The following BOP1 variants were observed in gnomAD, a reference collection of about 807,000 sequenced individuals.
BOP1 encodes the protein ribosome biogenesis protein BOP1.
In BOP1, 54 loss-of-function variants were observed where a neutral mutation model predicts 82.9. The ratio of observed to expected loss-of-function variants is 0.65; its 90% CI spans 0.52 to 0.82. The LOEUF (loss-of-function observed/expected upper bound fraction) is 0.82, where lower values mean the gene tolerates loss of function less well. Ranked by LOEUF, BOP1 falls within the 40% of genes least tolerant of loss-of-function variation. The pLI is 0.00. For synonymous variants in BOP1, 566 were observed against 451.1 expected, an observed-to-expected ratio of 1.25 and a Z score of -3.23; for missense variants, 1,170 against 1,072.0, an observed-to-expected ratio of 1.09 and a Z score of -1.28.
chr8:144,262,282 T>C lies in BOP1; in HGVS notation c.2123A>G (p.Lys708Arg), dbSNP rs1393813872. 4 of 1,612,710 alleles carry C rather than the reference T, an allele frequency of 2.5e-6. No individual in the cohort carries two copies. Among genetic ancestry groups the C allele is most frequent in the South Asian group, 2.2e-5 (2 of 91,060 alleles). ...GGTCAGCACGTGTCCCTTCAGCACCTTGACGGGCACCAGCAAGGGGTTCTG... is the reference window on the plus strand; with the variant it reads ...GGTCAGCACGTGTCCCTTCAGCACCCTGACGGGCACCAGCAAGGGGTTCTG... ...LLQNPLLVPVKVLKGHVLTRD... is the reference protein window; with the variant it reads ...LLQNPLLVPVRVLKGHVLTRD... Residue 708 changes from lysine to arginine, a missense_variant, in exon 16 of 16, where the codon AAG (lysine) becomes AGG (arginine). By Grantham distance (26) the Lys-to-Arg change is conservative. Transcript: ENST00000569669.
chr8:144,268,199 G>T, intron 3 of BOP1: 4 of 1,547,294 alleles, frequency 2.6e-6, no homozygotes, highest in South Asian at 1.2e-5. Context: ...GACGCCCGGG[G>T]TGACTGCAGA....
chr8:144,265,204 C>T, intron 3 of BOP1, 133 bp from the exon 4 acceptor site: 2 of 1,034,652 alleles, frequency 1.9e-6, no homozygotes, highest in Non-Finnish European at 2.8e-6. Flanking sequence ...GGTCACTGGC[C>T]CTGACCTACG....
At chr8:144,268,159 G>C (rs1193659201) in intron 3 of BOP1, 2 of 1,550,224 alleles carry the variant, frequency 1.3e-6, no homozygotes, top group Non-Finnish European at 1.7e-6. Context: ...GCCGGCAGCA[G>C]CCAGGAGGCA....
chr8:144,280,897 G>A (rs587712641), intron 2 of BOP1, among the ~76,000 whole-genome samples: 4 of 151,932 alleles, frequency 2.6e-5, no homozygotes, highest in East Asian at 1.9e-4. Flanking sequence ...CCAGGTCTTC[G>A]GCCTTCTCTC....
At chr8:144,265,095 G>C in intron 3 of BOP1, 24 bp from the exon 4 acceptor site, 1 of 1,600,682 alleles carries the variant, frequency 6.2e-7, no homozygotes, top group South Asian at 1.1e-5. Flanking sequence ...CCACCATGTC[G>C]GCATCTGATC....
Position 144,263,610 on chromosome 8 carries a change from C to G in BOP1, c.1292G>C (p.Gly431Ala). The G allele has an allele frequency of 6.2e-7, 1 of 1,608,482 alleles. No homozygotes were observed. Among genetic ancestry groups the G allele is most frequent in the Non-Finnish European group, 8.5e-7 (1 of 1,179,664 alleles). ...VSPGGQWLVS[G>A]SDDGSLRLWE... ...GAGCCGCAGGGAGCCGTCGTCAGAGCCTGGATGCGGCAGAGACAGCTCTCA... is the reference window on the plus strand; with the variant it reads ...GAGCCGCAGGGAGCCGTCGTCAGAGGCTGGATGCGGCAGAGACAGCTCTCA... The change falls in exon 11 of 16, where the codon GGC (glycine) becomes GCC (alanine). Residue 431 changes from glycine to alanine, a missense_variant and splice_region_variant. Physicochemically the swap from Gly to Ala is moderately conservative, Grantham distance 60. Transcript: ENST00000569669.
At chr8:144,273,903 G>C (rs1426866034) in intron 3 of BOP1, among the ~76,000 whole-genome samples, 1 of 152,224 alleles carries the variant, frequency 6.6e-6, no homozygotes, top group East Asian at 1.9e-4. Context: ...TGGGGGAGGG[G>C]AATAAGACAC....
At chr8:144,266,471 G>T in intron 3 of BOP1, 1 of 982,452 alleles carries the variant, frequency 1.0e-6, no homozygotes. Flanking sequence ...ACGCACATGT[G>T]CGCGCGACGC....
Position 144,289,142 on chromosome 8 carries a change from C to T in BOP1, c.262G>A (p.Asp88Asn). 1 of 1,614,208 alleles carries T rather than the reference C, an allele frequency of 6.2e-7. No individual in the cohort carries two copies. The highest frequency in any genetic ancestry group is 8.5e-7 in the Non-Finnish European group (1 of 1,180,034). Residue 88 changes from aspartate (D) to asparagine (N), a missense_variant, in exon 2 of 16, where the codon GAC (aspartate) becomes AAC (asparagine). By Grantham distance (23) the Asp-to-Asn change is conservative. Coordinates refer to ENST00000569669, the MANE Select transcript of BOP1 (RefSeq NM_015201.5). Reference sequence around the variant, plus strand: ...TTTTTAATCCCACTGTGGCCCTCGTCATCAAGGGCTCCGTCCTCTCCCTCC... The same window carrying T: ...TTTTTAATCCCACTGTGGCCCTCGTTATCAAGGGCTCCGTCCTCTCCCTCC... ...DEEGEDGALD[D>N]EGHSGIKKTT... is the part of the protein sequence containing the mutation.
intron 3 of BOP1, among the ~76,000 whole-genome samples, chr8:144,268,857 G>A (rs1194094859): frequency 6.6e-6 from 1 of 152,148 alleles, no homozygotes. Flanking sequence ...CCCCCGACTC[G>A]GGCCTGTCGG....
chr8:144,266,520 G>A (rs1845369045), intron 3 of BOP1: 6 of 989,600 alleles, frequency 6.1e-6, no homozygotes, highest in East Asian at 2.2e-4. Flanking sequence ...GAGACCCCGC[G>A]CCTCGCCCCG....
chr8:144,282,588 C>G (rs1484185907), intron 2 of BOP1, among the ~76,000 whole-genome samples: 1 of 152,084 alleles, frequency 6.6e-6, no homozygotes, highest in Non-Finnish European at 1.5e-5. Context: ...ATCAAACCCA[C>G]TGGCCCCAAG....
chr8:144,267,918 A>T (rs1274734434), intron 3 of BOP1, among the ~76,000 whole-genome samples: 4 of 152,180 alleles, frequency 2.6e-5, no homozygotes, highest in Non-Finnish European at 4.4e-5. Flanking sequence ...GGGAAATTTA[A>T]TTTTACAATT....
chr8:144,290,000 C>A (rs1021083981), intron 1 of BOP1, among the ~76,000 whole-genome samples: 1 of 152,186 alleles, frequency 6.6e-6, no homozygotes, highest in African/African-American at 2.4e-5. Context: ...TGCGTGACAC[C>A]GGCACACACA....
In BOP1 at chr8:144,283,201, CAAAAAAAAAAAAA is replaced by C. The variant is rs60868806; in HGVS notation, c.309+5881_309+5893del. Reference sequence around the variant, plus strand: ...CGATAAGAGCAAAAAAACTCCATCTCAAAAAAAAAAAAAAAAAAAAAAAAGAAAGGCTCCATGG... The same window carrying C: ...CGATAAGAGCAAAAAAACTCCATCTCAAAAAAAAAAAGAAAGGCTCCATGG... On this transcript the variant is annotated intron_variant, in intron 2 of 15. Coordinates refer to ENST00000569669, the MANE Select transcript of BOP1 (RefSeq NM_015201.5). Among the ~76,000 whole-genome samples the C allele has an allele frequency of 1.1e-4, 6 of 54,330 alleles. No homozygotes were observed. The East Asian group carries it at 3.1e-3, about 28-fold the overall frequency. 35.6% of individuals were successfully genotyped at this position (54,330 alleles called of 152,430 possible).
chr8:144,282,081 A>C (rs1447020383), intron 2 of BOP1: 1 of 152,308 alleles, frequency 6.6e-6, no homozygotes, highest in African/African-American at 2.4e-5. Context: ...ACCAGCGATA[A>C]AGAGAAGGCC....
At position 144,264,135 on chromosome 8, in the gene BOP1, G is replaced by A. The variant is rs982810937; in HGVS notation, c.986C>T (p.Ala329Val). 1.4e-5 allele frequency: 23 copies of A among 1,610,316 alleles called. No individual in the cohort carries two copies. The highest frequency in any genetic ancestry group is 8.9e-5 in the East Asian group (4 of 44,836). ...CTCGCCTGGCTCCTGCTGTTCCCAC[G>A]CCAAGCGCTGTGGAGACCAAGACAC... ...EYLLSEEERL[A>V]WEQQEPGERK... The change falls in exon 8 of 16, where the codon GCG becomes GTG. Residue 329 changes from alanine (A) to valine (V), a missense_variant. Ala to Val is a moderately conservative substitution (Grantham distance 64). Transcript: ENST00000569669.
intron 2 of BOP1, among the ~76,000 whole-genome samples, chr8:144,285,010 G>A (rs1040705414): frequency 5.9e-5 from 9 of 152,194 alleles, no homozygotes; most frequent in East Asian, 3.9e-4. Context: ...GGGGCTCTCC[G>A]CAGGACGCCC....
intron 3 of BOP1, among the ~76,000 whole-genome samples, chr8:144,268,775 C>CAAGGCAGGGACGCTGT (rs1289158114): frequency 2.0e-5 from 3 of 152,028 alleles, no homozygotes; most frequent in African/African-American, 4.8e-5. Flanking sequence ...GGGCGAGGCA[C>CAAGGCAGGGACGCTGT]AAGGCAGGGA....
Sources: gnomAD v4.1 joint callset for allele counts (sites outside exome capture counted in the v4.1 genomes callset) on GRCh38, gnomAD v4.1.1 for gene constraint, MANE v1.5 for transcripts, NCBI Gene and HGNC (gene_info 2026-07-23, HGNC 2026-07-21) for gene names.